Variants in SHB observed in about 807,000 individuals in gnomAD.
SHB encodes SH2 domain containing adaptor protein B.
A neutral mutation model predicts 52.3 loss-of-function variants in SHB; 20 were observed. The ratio of observed to expected loss-of-function variants is 0.38; its 90% CI spans 0.27 to 0.56. SHB has a LOEUF of 0.56. Ranked by LOEUF, SHB falls within the 20% of genes least tolerant of loss-of-function variation. The pLI is 0.71. For missense variants in SHB, 825 were observed against 723.3 expected (o/e 1.14, Z -1.61); for synonymous variants, 397 against 316.5 (o/e 1.25, Z -2.70).
At chr9:38,004,168 G>A (rs574933762) in intron 2 of SHB, among the ~76,000 whole-genome samples, 10 of 152,312 alleles carry the variant, frequency 6.6e-5, no homozygotes, top group East Asian at 5.8e-4. Flanking sequence ...CAACCCAGGC[G>A]CTCCCTCCCT....
chr9:38,029,726 A>AGT (rs1290873822), intron 1 of SHB, among the ~76,000 whole-genome samples: 3 of 152,160 alleles, frequency 2.0e-5, no homozygotes, highest in Non-Finnish European at 4.4e-5. Context: ...CCTGACCTCA[A>AGT]GTGATACGCC....
intron 3 of SHB, among the ~76,000 whole-genome samples, chr9:37,971,229 G>A (rs1820587057): frequency 6.6e-6 from 1 of 152,176 alleles, no homozygotes; most frequent in South Asian, 2.1e-4. Flanking sequence ...ACATGCAGAT[G>A]GATGTACACT....
At chr9:37,932,846 C>A (rs1832329564) in intron 5 of SHB, among the ~76,000 whole-genome samples, 1 of 152,194 alleles carries the variant, frequency 6.6e-6, no homozygotes, top group Non-Finnish European at 1.5e-5. Context: ...AACTCCCAGG[C>A]TCAAGCAATT....
At chr9:37,929,322 G>A (rs989385013) in intron 5 of SHB, among the ~76,000 whole-genome samples, 2 of 152,244 alleles carry the variant, frequency 1.3e-5, no homozygotes, top group Non-Finnish European at 1.5e-5. Context: ...CAGGCCCCTC[G>A]GATAAGCATG....
At position 37,944,336 on chromosome 9, in the gene SHB, G is replaced by A. The variant is rs546437448; in HGVS notation, c.1346+4299C>T. Among the ~76,000 whole-genome samples the A allele has an allele frequency of 3.5e-4, 53 of 152,290 alleles. 1 individual carries two copies. In the South Asian group the frequency reaches 0.011, roughly 31 times the overall value. ...TGTCTGGTCACCACAGTGGGAAGCT[G>A]TCACCATCTCTGTGGTCAGTGGTCA... is the stretch of plus-strand genomic sequence containing the variant. On this transcript the variant is annotated intron_variant, in intron 5 of 5. Coordinates refer to ENST00000377707, the MANE Select transcript of SHB (RefSeq NM_003028.3).
intron 2 of SHB, among the ~76,000 whole-genome samples, chr9:37,982,662 G>A (rs1043630550): frequency 1.3e-5 from 2 of 151,910 alleles, no homozygotes; most frequent in African/African-American, 4.8e-5. Context: ...AGCCAGGTGT[G>A]GTGGCACACG....
chr9:38,008,849 G>A (rs56100777), intron 2 of SHB, among the ~76,000 whole-genome samples: 65,368 of 151,994 alleles, frequency 0.43, 14,408 homozygotes, highest in Middle Eastern at 0.51. Context: ...GAAGTGAGGG[G>A]GCTCAGGGTA....
chr9:38,022,948 G>C (rs1821299237), intron 1 of SHB, among the ~76,000 whole-genome samples: 1 of 152,202 alleles, frequency 6.6e-6, no homozygotes, highest in African/African-American at 2.4e-5. Flanking sequence ...CAGCTGGCTG[G>C]ATGCCACACT....
At chr9:37,960,900 C>G (rs1195768567) in intron 3 of SHB, among the ~76,000 whole-genome samples, 1 of 152,198 alleles carries the variant, frequency 6.6e-6, no homozygotes, top group East Asian at 1.9e-4. Flanking sequence ...GGGTCAAGCC[C>G]AGGACTGCAG....
chr9:37,994,336 T>C (rs532752181), intron 2 of SHB, among the ~76,000 whole-genome samples: 19 of 152,236 alleles, frequency 1.2e-4, no homozygotes, highest in Non-Finnish European at 1.9e-4. Context: ...ATATAAATAT[T>C]ATTCTCTTCT....
At chr9:37,973,366 G>A (rs1820613552) in intron 3 of SHB, among the ~76,000 whole-genome samples, 1 of 152,208 alleles carries the variant, frequency 6.6e-6, no homozygotes, top group South Asian at 2.1e-4. Flanking sequence ...TGAGATTACA[G>A]TCATGTGCCA....
At chr9:37,930,679 A>T (rs1832303022) in intron 5 of SHB, among the ~76,000 whole-genome samples, 1 of 152,246 alleles carries the variant, frequency 6.6e-6, no homozygotes, top group Admixed American at 6.5e-5. Flanking sequence ...AAAAAAGTAA[A>T]GATGAGAAAC....
intron 3 of SHB, among the ~76,000 whole-genome samples, chr9:37,965,122 A>C (rs1304955778): frequency 6.6e-6 from 1 of 152,240 alleles, no homozygotes; most frequent in Non-Finnish European, 1.5e-5. Flanking sequence ...CCTGTCCATA[A>C]GACCCAAAGC....
At chr9:37,984,977 G>A (rs1348651310) in intron 2 of SHB, among the ~76,000 whole-genome samples, 1 of 152,190 alleles carries the variant, frequency 6.6e-6, no homozygotes, top group Non-Finnish European at 1.5e-5. Context: ...CCGTCACACG[G>A]CAGGAGGCCC....
chr9:38,011,738 A>G (rs752204661), intron 2 of SHB, among the ~76,000 whole-genome samples: 74 of 152,320 alleles, frequency 4.9e-4, no homozygotes, highest in Non-Finnish European at 6.3e-4. Flanking sequence ...AGACAGCTTC[A>G]CATTTAATCA....
intron 2 of SHB, among the ~76,000 whole-genome samples, chr9:38,011,672 TG>T (rs973554526): frequency 1.3e-5 from 2 of 152,222 alleles, no homozygotes; most frequent in African/African-American, 4.8e-5. Context: ...TGCCCAATGC[TG>T]GCTGTCTTGC....
chr9:37,955,862 G>T, intron 4 of SHB, 21 bp downstream of exon 4: 1 of 1,607,482 alleles, frequency 6.2e-7, no homozygotes, highest in Non-Finnish European at 8.5e-7. Context: ...GTGAGGTTGG[G>T]CTTTGCTCCC....
chr9:38,059,004 TGA>T (rs1821857565), intron 1 of SHB, among the ~76,000 whole-genome samples: 1 of 152,246 alleles, frequency 6.6e-6, no homozygotes, highest in Non-Finnish European at 1.5e-5. Context: ...ACTCCTGTCA[TGA>T]GAGAGCAAGC....
intron 2 of SHB, among the ~76,000 whole-genome samples, chr9:38,009,073 G>C (rs1379293295): frequency 6.6e-6 from 1 of 152,196 alleles, no homozygotes; most frequent in East Asian, 1.9e-4. Flanking sequence ...TCTCAGGCAG[G>C]GTGGCCAGAG....
Sources: allele counts gnomAD v4.1 joint callset (sites outside exome capture counted in the v4.1 genomes callset), GRCh38; gene constraint gnomAD v4.1.1; transcripts MANE v1.5; gene names NCBI Gene and HGNC (gene_info 2026-07-23, HGNC 2026-07-21).